The following ADD1 variants were observed in gnomAD, a reference collection of about 807,000 sequenced individuals.
ADD1 encodes alpha-adducin.
A neutral mutation model predicts 80.5 loss-of-function variants in ADD1; 24 were observed. The observed-to-expected ratio is 0.30, with a 90% CI of 0.22 to 0.42. ADD1 has a LOEUF of 0.42. Ranked by LOEUF, ADD1 falls within the 10% of genes least tolerant of loss-of-function variation. ADD1 has a pLI of 1.00. For synonymous variants in ADD1, 373 were observed against 393.8 expected (o/e 0.95, Z 0.63); for missense variants, 948 against 1,019.0 (o/e 0.93, Z 0.95).
intron 14 of ADD1, among the ~76,000 whole-genome samples, chr4:2,915,520 A>G (rs1738850426): frequency 6.6e-6 from 1 of 152,240 alleles, no homozygotes; most frequent in Non-Finnish European, 1.5e-5. Flanking sequence ...AGGCACCTGT[A>G]GTCCCAGCTA....
intron 1 of ADD1, among the ~76,000 whole-genome samples, chr4:2,852,155 TTTC>T (rs1349208907): frequency 1.3e-5 from 1 of 75,880 alleles, no homozygotes; most frequent in Non-Finnish European, 2.6e-5. Context: ...TCTTTCTTTC[TTTC>T]TTTCTTTCTT....
chr4:2,861,985 C>G lies in ADD1; in HGVS notation c.-20-13911C>G, dbSNP rs1213247525. ...AGTGTATTTTATGTGTGGCCCGAGA[C>G]AATTCTTCTTCCAGTGTGGCCCAGG... is the stretch of plus-strand genomic sequence containing the variant. On this transcript the variant is annotated intron_variant, in intron 1 of 15. Coordinates refer to ENST00000683351, the MANE Select transcript of ADD1 (RefSeq NM_001354761.2). Among the ~76,000 whole-genome samples, 3 of 152,318 alleles carry G rather than the reference C, an allele frequency of 2.0e-5. No homozygotes were observed. The East Asian group carries it at 5.8e-4, about 29-fold the overall frequency.
chr4:2,909,968 CA>C (rs35681850), intron 13 of ADD1, among the ~76,000 whole-genome samples: 40,086 of 119,606 alleles, frequency 0.34, 6,007 homozygotes, highest in Middle Eastern at 0.41. Flanking sequence ...ATTTGTACCT[CA>C]AAAAAAAAAA....
chr4:2,900,642 A>T (rs1736018655), intron 9 of ADD1: 1 of 152,256 alleles, frequency 6.6e-6, no homozygotes, highest in African/African-American at 2.4e-5. Flanking sequence ...AATAAAAAGT[A>T]TTCATAGGTC....
At chr4:2,870,304 C>A (rs560186079) in intron 1 of ADD1, among the ~76,000 whole-genome samples, 30 of 152,326 alleles carry the variant, frequency 2.0e-4, no homozygotes, top group South Asian at 1.0e-3. Context: ...AAAGAATATT[C>A]CAGCATAACC....
At chr4:2,873,931 A>G (rs1266034960) in intron 1 of ADD1, among the ~76,000 whole-genome samples, 2 of 152,224 alleles carry the variant, frequency 1.3e-5, no homozygotes, top group East Asian at 1.9e-4. Flanking sequence ...CAGAGATTCC[A>G]CTTAGGCTGG....
chr4:2,848,295 C>T (rs1377352881), intron 1 of ADD1, among the ~76,000 whole-genome samples: 1 of 151,798 alleles, frequency 6.6e-6, no homozygotes, highest in Non-Finnish European at 1.5e-5. Flanking sequence ...CTTATTCTGG[C>T]CTTTCTACAT....
chr4:2,920,499 G>T (rs1452292204), intron 14 of ADD1, among the ~76,000 whole-genome samples: 1 of 152,158 alleles, frequency 6.6e-6, no homozygotes, highest in East Asian at 1.9e-4. Flanking sequence ...CTTGCTTTAT[G>T]AATCTGGGTG....
chr4:2,855,154 T>C (rs1727877615), intron 1 of ADD1: 1 of 152,170 alleles, frequency 6.6e-6, no homozygotes, highest in South Asian at 2.1e-4. Flanking sequence ...CCAAAATACT[T>C]AATTATATCT....
In ADD1 at chr4:2,928,949, T is replaced by G; in HGVS notation, c.*426T>G. On this transcript the variant is annotated 3_prime_UTR_variant, in exon 16 of 16. Coordinates refer to ENST00000683351, the MANE Select transcript of ADD1 (RefSeq NM_001354761.2). ...GTCTCAGGTGACGGACTCAGACTCCTGGCTTCATGTGGCATTCTCTCTGCT... is the reference window on the plus strand; with the variant it reads ...GTCTCAGGTGACGGACTCAGACTCCGGGCTTCATGTGGCATTCTCTCTGCT... The G allele has an allele frequency of 5.4e-6, 1 of 186,030 alleles. No individual in the cohort carries two copies. The highest frequency in any genetic ancestry group is 1.1e-5 in the Non-Finnish European group (1 of 92,074). The allele number at this position is 186,030 out of a possible 1,614,324, so 11.5% of individuals were successfully genotyped here. A position where few individuals can be genotyped will look rare whatever the true frequency, so the allele number is the denominator to read the frequency against.
intron 14 of ADD1, among the ~76,000 whole-genome samples, chr4:2,915,669 C>G (rs572115892): frequency 1.2e-4 from 18 of 152,000 alleles, no homozygotes; most frequent in African/African-American, 4.1e-4. Flanking sequence ...CATACAAATA[C>G]AAAATTAGCC....
rs1021279063 is a variant in ADD1, at chr4:2,929,428, G to A, written c.*905G>A. 1 of 152,296 alleles carries A rather than the reference G, an allele frequency of 6.6e-6. No individual in the cohort carries two copies. The highest frequency in any genetic ancestry group is 1.5e-5 in the Non-Finnish European group (1 of 68,122). The allele number at this position is 152,296 out of a possible 1,614,324, so 9.4% of individuals were successfully genotyped here. The stretch of plus-strand genomic sequence containing the variant: ...GAAAGATGCCCTAGTTGTGATCAAA[G>A]GTAACTCGAGGTGGAGGGTAGCCCT... On this transcript the variant is annotated 3_prime_UTR_variant, in exon 16 of 16. Transcript: ENST00000683351.
intron 6 of ADD1, among the ~76,000 whole-genome samples, chr4:2,897,174 A>G (rs761311239): frequency 3.9e-5 from 6 of 152,068 alleles, no homozygotes; most frequent in Non-Finnish European, 8.8e-5. Context: ...ACTTTTCTCT[A>G]TGGAATTGAT....
At chr4:2,890,775 C>T (rs1223889423) in intron 4 of ADD1, among the ~76,000 whole-genome samples, 2 of 152,100 alleles carry the variant, frequency 1.3e-5, no homozygotes, top group African/African-American at 4.8e-5. Flanking sequence ...ATTATACTTA[C>T]ATTGTCTTAT....
intron 13 of ADD1, among the ~76,000 whole-genome samples, chr4:2,911,381 G>A (rs28747380): frequency 0.04 from 6,097 of 151,618 alleles, 207 homozygotes; most frequent in African/African-American, 0.095. Flanking sequence ...CAGCCCAGCC[G>A]AAGGCTGTGT....
At position 2,898,239 on chromosome 4, in the gene ADD1, G is replaced by A. The variant is rs1225603139; in HGVS notation, c.797G>A (p.Gly266Glu). The A allele has an allele frequency of 1.2e-6, 2 of 1,614,202 alleles. No individual in the cohort carries two copies. The highest frequency in any genetic ancestry group is 2.7e-5 in the African/African-American group (2 of 75,048). ...LPISPEALSL[G>E]EVAYHDYHGI... ...ATCTCCCCGGAGGCGCTTTCCCTTG[G>A]AGAAGTGGCTTATCATGACTACCAT... The change falls in exon 7 of 16, where the codon GGA becomes GAA. Residue 266 changes from glycine (G) to glutamate (E), a missense_variant. Gly to Glu is a moderately conservative substitution (Grantham distance 98, BLOSUM62 -2). Coordinates refer to ENST00000683351, the MANE Select transcript of ADD1 (RefSeq NM_001354761.2).
intron 4 of ADD1, among the ~76,000 whole-genome samples, chr4:2,888,895 A>G (rs1733844834): frequency 1.3e-5 from 2 of 152,310 alleles, no homozygotes; most frequent in African/African-American, 2.4e-5. Context: ...TGAAATATAT[A>G]CTGTTTACAG....
intron 4 of ADD1, among the ~76,000 whole-genome samples, chr4:2,886,864 T>G (rs1276611037): frequency 6.6e-6 from 1 of 152,160 alleles, no homozygotes; most frequent in Non-Finnish European, 1.5e-5. Flanking sequence ...TGGTGGAGAT[T>G]AGTGCTAAGT....
At chr4:2,913,473 G>A (rs1045934703) in intron 13 of ADD1, among the ~76,000 whole-genome samples, 1 of 152,200 alleles carries the variant, frequency 6.6e-6, no homozygotes, top group African/African-American at 2.4e-5. Context: ...ACTTCTTAAC[G>A]AAAAGCCAAT....
Sources: allele counts gnomAD v4.1 joint callset (sites outside exome capture counted in the v4.1 genomes callset), GRCh38; gene constraint gnomAD v4.1.1; transcripts MANE v1.5; gene names NCBI Gene and HGNC (gene_info 2026-07-23, HGNC 2026-07-21).